Variants in PID1 observed in about 807,000 individuals in gnomAD.
The protein encoded by PID1 is phosphotyrosine interaction domain containing 1.
PID1 carries 10 observed loss-of-function variants against 19.1 expected under a neutral mutation model. That is an observed-to-expected ratio of 0.52 (90% CI 0.32 to 0.89). PID1 has a LOEUF of 0.89. Among genes scored for constraint, PID1 ranks in the 40% least tolerant of loss-of-function variants. The probability of loss-of-function intolerance (pLI) is 0.03; values close to 1 mark genes in which losing one functional copy is unlikely to be tolerated. For missense variants in PID1, 248 were observed against 285.3 expected, an observed-to-expected ratio of 0.87 and a Z score of 0.94; for synonymous variants, 130 against 116.0, an observed-to-expected ratio of 1.12 and a Z score of -0.78.
Position 229,084,226 on chromosome 2 carries a change from T to C in PID1, c.178-58118A>G, listed in dbSNP as rs549708320. 8.1e-4 allele frequency among the ~76,000 whole-genome samples: 123 copies of C among 152,232 alleles called. 1 individual carries two copies. Among genetic ancestry groups the C allele is most frequent in the African/African-American group, 2.9e-3 (121 of 41,530 alleles). Reference sequence around the variant, plus strand: ...TTTCAGGGATAGAGAGGTGACAAGGTCAGACACAAAGCCAAAGGATACAAG... The same window carrying C: ...TTTCAGGGATAGAGAGGTGACAAGGCCAGACACAAAGCCAAAGGATACAAG... On this transcript the variant is annotated intron_variant, in intron 2 of 2. Coordinates refer to ENST00000392055, the MANE Select transcript of PID1 (RefSeq NM_001100818.2).
chr2:229,231,724 G>C (rs1692213038), intron 1 of PID1, among the ~76,000 whole-genome samples: 1 of 152,056 alleles, frequency 6.6e-6, no homozygotes, highest in African/African-American at 2.4e-5. Context: ...CCAAACTTTG[G>C]TCAGTTCTCT....
chr2:229,053,463 G>A (rs554869290), intron 2 of PID1, among the ~76,000 whole-genome samples: 2 of 152,276 alleles, frequency 1.3e-5, no homozygotes, highest in African/African-American at 2.4e-5. Context: ...ACAAATTTCT[G>A]TCTTCATAAA....
rs534895045 is a variant in PID1, at chr2:229,066,591, T to C, written c.178-40483A>G. Among the ~76,000 whole-genome samples, 7 of 152,234 alleles carry C rather than the reference T, an allele frequency of 4.6e-5. 2 individuals are homozygous for C. The East Asian group carries it at 7.7e-4, about 17-fold the overall frequency. ...CTCCTTCATTATGCTGAGTCGTTTTTACAAAGTGTGATGATACTTGGGCTG... is the reference window on the plus strand; with the variant it reads ...CTCCTTCATTATGCTGAGTCGTTTTCACAAAGTGTGATGATACTTGGGCTG... On this transcript the variant is annotated intron_variant, in intron 2 of 2. Coordinates refer to ENST00000392055, the MANE Select transcript of PID1 (RefSeq NM_001100818.2).
At chr2:229,045,504 A>G (rs1007582196) in intron 2 of PID1, among the ~76,000 whole-genome samples, 1 of 152,300 alleles carries the variant, frequency 6.6e-6, no homozygotes, top group South Asian at 2.1e-4. Context: ...ACTTGTGTCC[A>G]TGGTTCTGTT....
At chr2:229,106,107 GAA>G (rs1695175192) in intron 2 of PID1, among the ~76,000 whole-genome samples, 1 of 142,232 alleles carries the variant, frequency 7.0e-6, no homozygotes, top group Non-Finnish European at 1.5e-5. Context: ...GAAGAAGAAA[GAA>G]AGAAATAAAC....
At chr2:229,112,578 C>T (rs560468363) in intron 2 of PID1, among the ~76,000 whole-genome samples, 1 of 152,120 alleles carries the variant, frequency 6.6e-6, no homozygotes, top group African/African-American at 2.4e-5. Flanking sequence ...TTCTGCCTCC[C>T]GGGTTCATGC....
intron 1 of PID1, among the ~76,000 whole-genome samples, chr2:229,204,527 G>T (rs1691565346): frequency 1.3e-5 from 2 of 152,074 alleles, no homozygotes; most frequent in African/African-American, 4.8e-5. Context: ...ATCCCTGCAA[G>T]GCCATCTGTG....
At chr2:229,139,775 T>C (rs1032653508) in intron 2 of PID1, among the ~76,000 whole-genome samples, 1 of 152,136 alleles carries the variant, frequency 6.6e-6, no homozygotes, top group Non-Finnish European at 1.5e-5. Context: ...TCTCTCCTTA[T>C]CTCTCCCTTG....
intron 1 of PID1, among the ~76,000 whole-genome samples, chr2:229,246,094 T>C (rs1054871466): frequency 1.3e-5 from 2 of 152,208 alleles, no homozygotes; most frequent in Non-Finnish European, 2.9e-5. Context: ...TAGCAATCGC[T>C]GATTCCTGTC....
At chr2:229,233,318 AT>A (rs1210793397) in intron 1 of PID1, among the ~76,000 whole-genome samples, 1 of 151,900 alleles carries the variant, frequency 6.6e-6, no homozygotes, top group African/African-American at 2.4e-5. Context: ...ATATGAGAAC[AT>A]TTAGAAGCTA....
chr2:229,105,332 G>A (rs75018089), intron 2 of PID1, among the ~76,000 whole-genome samples: 9,760 of 152,264 alleles, frequency 0.064, 345 homozygotes, highest in African/African-American at 0.077. Context: ...TTCAATCACC[G>A]ACAGTGAGTT....
intron 1 of PID1, among the ~76,000 whole-genome samples, chr2:229,222,388 C>T (rs1691990070): frequency 6.6e-6 from 1 of 152,190 alleles, no homozygotes; most frequent in African/African-American, 2.4e-5. Flanking sequence ...CAATTAAAAG[C>T]ATAGTATAAA....
intron 2 of PID1, among the ~76,000 whole-genome samples, chr2:229,131,435 T>C (rs1452574937): frequency 6.6e-6 from 1 of 152,106 alleles, no homozygotes; most frequent in Non-Finnish European, 1.5e-5. Context: ...TTTACCACAT[T>C]GGCCAGGCAG....
chr2:229,147,211 A>G (rs1690153666), intron 2 of PID1, among the ~76,000 whole-genome samples: 1 of 152,224 alleles, frequency 6.6e-6, no homozygotes, highest in African/African-American at 2.4e-5. Context: ...GGGCACAGAG[A>G]AGAAATAAAT....
At chr2:229,187,451 A>C (rs1348626712) in intron 1 of PID1, among the ~76,000 whole-genome samples, 1 of 152,224 alleles carries the variant, frequency 6.6e-6, no homozygotes, top group African/African-American at 2.4e-5. Flanking sequence ...TGCAAGTCAC[A>C]TCTTACATGA....
At chr2:229,231,959 G>A in intron 1 of PID1, 3 of 1,550,490 alleles carry the variant, frequency 1.9e-6, no homozygotes, top group Non-Finnish European at 2.6e-6. Flanking sequence ...TGATCAAGGT[G>A]CGGGCTTGTT....
chr2:229,193,534 G>A (rs745996631), intron 1 of PID1, among the ~76,000 whole-genome samples: 1 of 152,164 alleles, frequency 6.6e-6, no homozygotes, highest in Non-Finnish European at 1.5e-5. Context: ...AAATTTTCAA[G>A]CATTGTTAGT....
intron 2 of PID1, among the ~76,000 whole-genome samples, chr2:229,122,245 C>T (rs1695537957): frequency 6.6e-6 from 1 of 152,116 alleles, no homozygotes; most frequent in African/African-American, 2.4e-5. Context: ...GGTTTTTACA[C>T]CATTAACAAT....
At chr2:229,129,858 G>A (rs879377137) in intron 2 of PID1, among the ~76,000 whole-genome samples, 3 of 152,134 alleles carry the variant, frequency 2.0e-5, no homozygotes, top group East Asian at 1.9e-4. Flanking sequence ...GCTTCTAGTC[G>A]TGTTCACATT....
Sources: allele counts gnomAD v4.1 joint callset (sites outside exome capture counted in the v4.1 genomes callset), GRCh38; gene constraint gnomAD v4.1.1; transcripts MANE v1.5; gene names NCBI Gene and HGNC (gene_info 2026-07-23, HGNC 2026-07-21).